Variants in FGD6 observed in about 807,000 individuals in gnomAD.
FGD6 encodes the protein FYVE, RhoGEF and PH domain-containing protein 6.
In FGD6, 90 loss-of-function variants were observed where a neutral mutation model predicts 149.4. The ratio of observed to expected loss-of-function variants is 0.60; its 90% CI spans 0.51 to 0.72. The LOEUF (loss-of-function observed/expected upper bound fraction) is 0.72, where lower values mean the gene tolerates loss of function less well. Among genes scored for constraint, FGD6 ranks in the 30% least tolerant of loss-of-function variants. The pLI is 0.00. For synonymous variants in FGD6, 527 were observed against 584.0 expected, an observed-to-expected ratio of 0.90 and a Z score of 1.41; for missense variants, 1,437 against 1,684.8, an observed-to-expected ratio of 0.85 and a Z score of 2.57.
chr12:95,154,458 G>A (rs1880412102), intron 3 of FGD6, among the ~76,000 whole-genome samples: 1 of 152,076 alleles, frequency 6.6e-6, no homozygotes, highest in South Asian at 2.1e-4. Flanking sequence ...GAAAAGGAGA[G>A]AAGCTTCTCT....
chr12:95,167,507 G>A (rs1880855323), intron 3 of FGD6, among the ~76,000 whole-genome samples: 1 of 151,250 alleles, frequency 6.6e-6, no homozygotes. Context: ...CATCTTTATT[G>A]GCCACTGTAT....
At chr12:95,188,211 A>C (rs1881498361) in intron 2 of FGD6, among the ~76,000 whole-genome samples, 1 of 152,254 alleles carries the variant, frequency 6.6e-6, no homozygotes, top group South Asian at 2.1e-4. Context: ...CTGAACTAGA[A>C]AAAGCCCAGT....
At chr12:95,148,051 GAGCT>G (rs1447859566) in intron 5 of FGD6, among the ~76,000 whole-genome samples, 1 of 152,020 alleles carries the variant, frequency 6.6e-6, no homozygotes, top group Non-Finnish European at 1.5e-5. Context: ...TCTGAACAAT[GAGCT>G]TCATTCAGTG....
At chr12:95,192,473 A>C (rs567858449) in intron 2 of FGD6, among the ~76,000 whole-genome samples, 36 of 152,196 alleles carry the variant, frequency 2.4e-4, no homozygotes, top group African/African-American at 8.7e-4. Context: ...ACAATGTACA[A>C]AAATTCACTT....
chr12:95,100,712 T>C (rs1159176122), intron 14 of FGD6: 3 of 534,736 alleles, frequency 5.6e-6, no homozygotes, highest in Middle Eastern at 3.2e-4. Context: ...TTGACTGCCC[T>C]TGCAACAGAC....
chr12:95,144,789 G>A (rs1276945974), intron 5 of FGD6, among the ~76,000 whole-genome samples: 1 of 150,970 alleles, frequency 6.6e-6, no homozygotes, highest in Non-Finnish European at 1.5e-5. Flanking sequence ...CCGAGTTCAA[G>A]TGATTTCTCC....
chr12:95,136,909 C>G (rs1879681847), intron 7 of FGD6, among the ~76,000 whole-genome samples: 1 of 152,170 alleles, frequency 6.6e-6, no homozygotes, highest in Non-Finnish European at 1.5e-5. Flanking sequence ...CATTACTGAA[C>G]TATAAACTTG....
At chr12:95,191,126 T>C (rs896714628) in intron 2 of FGD6, among the ~76,000 whole-genome samples, 8 of 152,182 alleles carry the variant, frequency 5.3e-5, no homozygotes, top group African/African-American at 1.7e-4. Context: ...CATTTAGATA[T>C]GGTAAGACCT....
In FGD6 at chr12:95,134,789, T is replaced by TA. The variant is rs1879621014; in HGVS notation, c.3031dup (p.Tyr1011LeufsTer49). ...GATCCTCTGAACCGGCTTGAGCAGG[T>TA]AGTGCTTGAGGGCCAGATTAGCACA... On this transcript the variant is annotated frameshift_variant, in exon 8 of 21. Transcript: ENST00000343958. LOFTEE classifies it high-confidence loss of function. 1 of 1,613,728 alleles carries TA rather than the reference T, an allele frequency of 6.2e-7. No individual in the cohort carries two copies. The highest frequency in any genetic ancestry group is 8.5e-7 in the Non-Finnish European group (1 of 1,179,888).
At chr12:95,152,885 G>T in intron 4 of FGD6, 41 bp downstream of exon 4, 3 of 1,613,136 alleles carry the variant, frequency 1.9e-6, no homozygotes, top group Non-Finnish European at 2.5e-6. Context: ...ATGTGCCAAT[G>T]GGGGGAAAAC....
At position 95,152,829 on chromosome 12, in the gene FGD6, C is replaced by A. The variant is rs1009514998; in HGVS notation, c.2667G>T (p.Val889=). The A allele has an allele frequency of 2.5e-6, 4 of 1,613,296 alleles. No individual in the cohort carries two copies. In the South Asian group the frequency reaches 4.4e-5, roughly 18 times the overall value. The change falls in exon 5 of 21, where the codon GTG becomes GTT. Residue 889 remains valine (V), a synonymous_variant. Coordinates refer to ENST00000343958, the MANE Select transcript of FGD6 (RefSeq NM_018351.4). ...TACTTACAATATGCAAAAGTTTTAACACATCCACAAACCTGTAAAAAACAA... is the reference window on the plus strand; with the variant it reads ...TACTTACAATATGCAAAAGTTTTAAAACATCCACAAACCTGTAAAAAACAA... The part of the protein sequence containing the change: ...IMSSEKVFVD[V]LKLLHIDFRD...
Position 95,209,243 on chromosome 12 carries a change from C to T in FGD6, c.2041G>A (p.Glu681Lys). ...ESDWQGLLVG[E>K]EKRSKPIKAY... ...TTGATGGGTTTACTTCTCTTCTCCT[C>T]TCCTACCAACAAGCCTTGCCAATCA... is the stretch of plus-strand genomic sequence containing the variant. The change falls in exon 2 of 21, where the codon GAG (glutamate) becomes AAG (lysine). Residue 681 changes from glutamate to lysine, a missense_variant. Glu to Lys is a moderately conservative substitution (Grantham distance 56). Transcript: ENST00000343958. 6.2e-7 allele frequency: 1 copy of T among 1,614,122 alleles called. No homozygotes were observed. Among genetic ancestry groups the T allele is most frequent in the African/African-American group, 1.3e-5 (1 of 75,016 alleles).
intron 8 of FGD6, among the ~76,000 whole-genome samples, chr12:95,128,639 A>G (rs1358503688): frequency 6.6e-6 from 1 of 152,248 alleles, no homozygotes; most frequent in Non-Finnish European, 1.5e-5. Context: ...GGCAAGATCA[A>G]TACAATTTTT....
Position 95,108,344 on chromosome 12 carries a change from T to C in FGD6, c.3264+4A>G, listed in dbSNP as rs1015499561. ...GTTTGCGAAAAGCAATGTAAAATGC[T>C]TACCCGACCAGGCTGCACAATTTCA... On this transcript the variant is annotated splice_donor_region_variant and intron_variant, in intron 11 of 20. Transcript: ENST00000343958. 1.2e-6 allele frequency: 2 copies of C among 1,613,234 alleles called. No individual in the cohort carries two copies. Among genetic ancestry groups the C allele is most frequent in the African/African-American group, 1.3e-5 (1 of 74,920 alleles).
intron 8 of FGD6, among the ~76,000 whole-genome samples, chr12:95,116,025 GCATCCCC>G (rs1879000023): frequency 6.6e-6 from 1 of 151,728 alleles, no homozygotes; most frequent in African/African-American, 2.4e-5. Flanking sequence ...AATGAAGAGA[GCATCCCC>G]CGCAAAATAT....
chr12:95,144,989 T>TTTTTC, intron 5 of FGD6, among the ~76,000 whole-genome samples: 1 of 59,714 alleles, frequency 1.7e-5, no homozygotes, highest in Non-Finnish European at 3.4e-5. Context: ...GCACCCGGCC[T>TTTTTC]TTTTTTTTTT....
At chr12:95,213,530 A>C (rs779284698) in intron 1 of FGD6, among the ~76,000 whole-genome samples, 1 of 152,256 alleles carries the variant, frequency 6.6e-6, no homozygotes, top group Non-Finnish European at 1.5e-5. Context: ...CGGTAAATTT[A>C]TCTTATGTGC....
At chr12:95,149,828 TAATATA>T (rs1174691803) in intron 5 of FGD6, among the ~76,000 whole-genome samples, 1 of 146,380 alleles carries the variant, frequency 6.8e-6, no homozygotes, top group Non-Finnish European at 1.5e-5. Flanking sequence ...TCATTATATA[TAATATA>T]TAGTACATAT....
In FGD6 at chr12:95,184,583, T is replaced by C. The variant is rs908466377; in HGVS notation, c.2442-11839A>G. Among the ~76,000 whole-genome samples the C allele has an allele frequency of 8.6e-4, 3 of 3,474 alleles. No homozygotes were observed. The African/African-American group carries it at 0.01, about 12-fold the overall frequency. 2.3% of individuals were successfully genotyped at this position (3,474 alleles called of 152,430 possible). On this transcript the variant is annotated intron_variant, in intron 2 of 20. Coordinates refer to ENST00000343958, the MANE Select transcript of FGD6 (RefSeq NM_018351.4). ...AAGACATGGATTTCTTCCTGCACGT[T>C]TTTTTTTTTTTTTTGAGATGGAGTC...
Sources: gnomAD v4.1 joint callset for allele counts (sites outside exome capture counted in the v4.1 genomes callset) on GRCh38, gnomAD v4.1.1 for gene constraint, MANE v1.5 for transcripts, NCBI Gene and HGNC (gene_info 2026-07-23, HGNC 2026-07-21) for gene names.